Variants in ARHGAP8 observed in about 807,000 individuals in gnomAD.
ARHGAP8 encodes the protein rho GTPase-activating protein 8.
A neutral mutation model predicts 46.1 loss-of-function variants in ARHGAP8; 62 were observed. The observed-to-expected ratio is 1.34, with a 90% confidence interval of 1.10 to 1.66. The LOEUF (loss-of-function observed/expected upper bound fraction) is 1.66. ARHGAP8 is among the 40% of genes most tolerant of loss of function. The pLI is 0.00. For missense variants in ARHGAP8, 923 were observed against 568.4 expected (o/e 1.62, Z -6.34); for synonymous variants, 375 against 243.1 (o/e 1.54, Z -5.05).
At chr22:44,753,848 G>C (rs1002714766) in intron 1 of ARHGAP8, among the ~76,000 whole-genome samples, 1 of 152,178 alleles carries the variant, frequency 6.6e-6, no homozygotes, top group Admixed American at 6.5e-5. Context: ...TCGCTTGCCT[G>C]TGAAATGCAG....
intron 1 of ARHGAP8, among the ~76,000 whole-genome samples, chr22:44,785,402 A>G (rs1285301981): frequency 3.3e-5 from 5 of 152,136 alleles, no homozygotes; most frequent in Admixed American, 6.6e-5. Flanking sequence ...CGAAGGCTCC[A>G]GGGGAGGGTC....
In ARHGAP8 at chr22:44,862,546, A is replaced by T. The variant is rs201231949; in HGVS notation, c.1253A>T (p.Lys418Met). ...VPRTQATGLT[K>M]PTLPPSPLMA... ...CGGACACAAGCCACGGGCCTCACCAAGCCTACCCTACCTCCGAGTCCCCTG... is the reference window on the plus strand; with the variant it reads ...CGGACACAAGCCACGGGCCTCACCATGCCTACCCTACCTCCGAGTCCCCTG... The change falls in exon 12 of 12, where the codon AAG becomes ATG. Residue 418 changes from lysine to methionine, a missense_variant. Transcript: ENST00000356099. The T allele has an allele frequency of 6.2e-7, 1 of 1,603,776 alleles. No individual in the cohort carries two copies. The highest frequency in any genetic ancestry group is 8.5e-7 in the Non-Finnish European group (1 of 1,171,824).
In ARHGAP8 at chr22:44,862,734, G is replaced by A. The variant is rs2071764; in HGVS notation, c.*139G>A. On this transcript the variant is annotated 3_prime_UTR_variant, in exon 12 of 12. Coordinates refer to ENST00000356099, the MANE Select transcript of ARHGAP8 (RefSeq NM_181335.3). The stretch of plus-strand genomic sequence containing the variant: ...TTCTAATGAAAACTCCATGCCTCTG[G>A]TCCTTGGACTCTTGTCCATGGTTCC... 14 of 1,034,960 alleles carry A rather than the reference G, an allele frequency of 1.4e-5. No homozygotes were observed. In the South Asian group the frequency reaches 2.2e-4, roughly 16 times the overall value. The allele number at this position is 1,034,960 out of a possible 1,614,324, so 64.1% of individuals were successfully genotyped here. A position where few individuals can be genotyped will look rare whatever the true frequency, so the allele number is the denominator to read the frequency against.
chr22:44,829,378 T>A (rs978692611), intron 7 of ARHGAP8, among the ~76,000 whole-genome samples: 5 of 152,058 alleles, frequency 3.3e-5, no homozygotes, highest in Admixed American at 2.6e-4. Flanking sequence ...GTGGGAAAAT[T>A]GTTAGCCATG....
At chr22:44,755,526 AG>A (rs1218290519) in intron 1 of ARHGAP8, among the ~76,000 whole-genome samples, 4 of 152,190 alleles carry the variant, frequency 2.6e-5, no homozygotes, top group Non-Finnish European at 5.9e-5. Flanking sequence ...GGTGCATTTG[AG>A]GGGAGAGCCT....
chr22:44,834,982 A>T (rs902483008), intron 7 of ARHGAP8, among the ~76,000 whole-genome samples: 1 of 151,986 alleles, frequency 6.6e-6, no homozygotes, highest in African/African-American at 2.4e-5. Flanking sequence ...CTTTCAACCT[A>T]TTTGTGTCTT....
chr22:44,803,011 C>T (rs1008746496), intron 3 of ARHGAP8, among the ~76,000 whole-genome samples: 5 of 152,068 alleles, frequency 3.3e-5, no homozygotes, highest in Non-Finnish European at 7.4e-5. Flanking sequence ...CTGCTGCTGC[C>T]GCCACCACTG....
chr22:44,847,313 A>C (rs560330152), intron 8 of ARHGAP8, among the ~76,000 whole-genome samples: 1 of 152,288 alleles, frequency 6.6e-6, no homozygotes, highest in East Asian at 1.9e-4. Context: ...AATGGAGACA[A>C]GTTTTCTTCT....
At position 44,753,167 on chromosome 22, in the gene ARHGAP8, G is replaced by A. The variant is rs1029615020; in HGVS notation, c.-72+540G>A. ...CTGCGCTGATTCAAACTCAGGGGGT[G>A]GGGGGCTGGCCGGTTCAACACACAG... On this transcript the variant is annotated intron_variant, in intron 1 of 11. Transcript: ENST00000356099. 7.2e-5 allele frequency among the ~76,000 whole-genome samples: 11 copies of A among 152,190 alleles called. No individual in the cohort carries two copies. In the South Asian group the frequency reaches 2.3e-3, roughly 32 times the overall value.
Position 44,814,994 on chromosome 22 carries a change from G to GC in ARHGAP8, c.386+242dup, listed in dbSNP as rs1458344151. Among the ~76,000 whole-genome samples, 3 of 152,128 alleles carry GC rather than the reference G, an allele frequency of 2.0e-5. No homozygotes were observed. The South Asian group carries it at 6.2e-4, about 32-fold the overall frequency. ...TGGGGTTTGCACCTGGTGTTTAAAA[G>GC]CCCCCCTTTGCCTGAGCCCCCACAC... On this transcript the variant is annotated intron_variant, in intron 5 of 11. Coordinates refer to ENST00000356099, the MANE Select transcript of ARHGAP8 (RefSeq NM_181335.3).
intron 7 of ARHGAP8, among the ~76,000 whole-genome samples, chr22:44,838,465 G>T (rs975578255): frequency 1.3e-5 from 2 of 151,722 alleles, no homozygotes; most frequent in African/African-American, 4.8e-5. Flanking sequence ...GTAGAAACAG[G>T]GTTTCTCCAT....
chr22:44,846,351 C>T (rs542589459), intron 8 of ARHGAP8, among the ~76,000 whole-genome samples: 2 of 152,352 alleles, frequency 1.3e-5, no homozygotes, highest in Non-Finnish European at 2.9e-5. Context: ...TTTAGACAGG[C>T]GGGGCCTGGA....
At chr22:44,824,974 G>T (rs1180118728) in intron 6 of ARHGAP8, among the ~76,000 whole-genome samples, 1 of 151,848 alleles carries the variant, frequency 6.6e-6, no homozygotes, top group Non-Finnish European at 1.5e-5. Flanking sequence ...ACCTCCTTCA[G>T]AGTTTATCCA....
intron 1 of ARHGAP8, among the ~76,000 whole-genome samples, chr22:44,781,264 A>T (rs947832118): frequency 6.6e-6 from 1 of 152,174 alleles, no homozygotes; most frequent in African/African-American, 2.4e-5. Context: ...TGCTTCCAAG[A>T]ACTCATGATT....
At chr22:44,757,982 G>A (rs1005004214) in intron 1 of ARHGAP8, among the ~76,000 whole-genome samples, 2 of 152,082 alleles carry the variant, frequency 1.3e-5, no homozygotes, top group Non-Finnish European at 2.9e-5. Context: ...GCAGCCAGTG[G>A]TCTCCACCTC....
At chr22:44,776,312 C>T (rs549650975) in intron 1 of ARHGAP8, among the ~76,000 whole-genome samples, 2 of 152,224 alleles carry the variant, frequency 1.3e-5, no homozygotes, top group East Asian at 3.9e-4. Context: ...ATTAGCCGAG[C>T]ATGGTGGCGG....
intron 10 of ARHGAP8, among the ~76,000 whole-genome samples, chr22:44,857,500 G>C (rs570891794): frequency 6.6e-6 from 1 of 152,170 alleles, no homozygotes; most frequent in African/African-American, 2.4e-5. Flanking sequence ...GGGTACCTTC[G>C]TAAGGAAACG....
chr22:44,828,840 A>T (rs1930724015), intron 7 of ARHGAP8, among the ~76,000 whole-genome samples: 1 of 152,006 alleles, frequency 6.6e-6, no homozygotes, highest in African/African-American at 2.4e-5. Context: ...TGCTGGGCTG[A>T]TACTGCTTCC....
At chr22:44,852,941 G>A (rs1489310359) in intron 10 of ARHGAP8, among the ~76,000 whole-genome samples, 2 of 152,070 alleles carry the variant, frequency 1.3e-5, no homozygotes, top group African/African-American at 2.4e-5. Flanking sequence ...TAGCTGGGAC[G>A]ACAGGCCCGT....
Sources: allele counts gnomAD v4.1 joint callset (sites outside exome capture counted in the v4.1 genomes callset), GRCh38; gene constraint gnomAD v4.1.1; transcripts MANE v1.5; gene names NCBI Gene and HGNC (gene_info 2026-07-23, HGNC 2026-07-21).